LLGL2: variants seen among roughly 807,000 people sequenced by gnomAD.
LLGL2 encodes LLGL2, scribble cell polarity complex component.
In LLGL2, 81 loss-of-function variants were observed where a neutral mutation model predicts 123.2. That is an observed-to-expected ratio of 0.66 (90% CI 0.55 to 0.79). The LOEUF (loss-of-function observed/expected upper bound fraction) is 0.79, where lower values mean the gene tolerates loss of function less well. Ranked by LOEUF, LLGL2 falls within the 30% of genes least tolerant of loss-of-function variation. The probability of loss-of-function intolerance (pLI) is 0.00; values close to 1 mark genes in which losing one functional copy is unlikely to be tolerated. For synonymous variants in LLGL2, 577 were observed against 594.1 expected (o/e 0.97, Z 0.42); for missense variants, 1,273 against 1,414.6 (o/e 0.90, Z 1.61).
At chr17:75,570,300 G>A (rs186805295) in intron 15 of LLGL2, 45 bp downstream of exon 15, 11 of 1,601,578 alleles carry the variant, frequency 6.9e-6, no homozygotes, top group East Asian at 4.5e-5. Context: ...TGGGGCCCGC[G>A]AGGACTCCCA....
At chr17:75,562,001 T>G (rs564582424) in intron 6 of LLGL2, among the ~76,000 whole-genome samples, 18 of 152,250 alleles carry the variant, frequency 1.2e-4, no homozygotes, top group African/African-American at 4.3e-4. Flanking sequence ...GTCAGTGAGG[T>G]CAGTGCTAGC....
intron 2 of LLGL2, among the ~76,000 whole-genome samples, chr17:75,545,384 T>C (rs535900388): frequency 5.3e-5 from 8 of 152,322 alleles, no homozygotes; most frequent in African/African-American, 1.9e-4. Context: ...TGATTAGGCC[T>C]CTGCCCTCCA....
intron 8 of LLGL2, 118 bp from the exon 9 acceptor site, chr17:75,563,634 T>C: frequency 1.4e-6 from 2 of 1,481,266 alleles, no homozygotes; most frequent in Non-Finnish European, 1.9e-6. Context: ...CGGAGCAAGA[T>C]TCCCAAGCAC....
In LLGL2 at chr17:75,544,070, TCCCAA is replaced by T. The variant is rs987570525; in HGVS notation, c.75+570_75+574del. On this transcript the variant is annotated intron_variant, in intron 2 of 25. Transcript: ENST00000392550. The surrounding 1 kb of genome is among the most constrained non-coding windows in gnomAD (Gnocchi z 4.2). ...CGGAGTTGGCCTCGGACTACCCCAA[TCCCAA>T]ACCTGTATCCGGGGTACCAGAAGGC... Among the ~76,000 whole-genome samples, 4 of 152,022 alleles carry T rather than the reference TCCCAA, an allele frequency of 2.6e-5. No individual in the cohort carries two copies. Among genetic ancestry groups the T allele is most frequent in the African/African-American group, 9.7e-5 (4 of 41,402 alleles).
At chr17:75,531,868 G>A (rs2053800253) in intron 1 of LLGL2, among the ~76,000 whole-genome samples, 1 of 152,064 alleles carries the variant, frequency 6.6e-6, no homozygotes, top group African/African-American at 2.4e-5. Flanking sequence ...GCGAATTCTT[G>A]AGCTAGGAGA....
intron 2 of LLGL2, among the ~76,000 whole-genome samples, chr17:75,550,031 G>A (rs1184578150): frequency 2.0e-5 from 3 of 152,268 alleles, no homozygotes; most frequent in Admixed American, 2.0e-4. Context: ...CCAGGTATCA[G>A]ATGTGGGCGG....
chr17:75,550,071 A>G (rs1300849235), intron 2 of LLGL2, among the ~76,000 whole-genome samples: 3 of 152,076 alleles, frequency 2.0e-5, no homozygotes, highest in Non-Finnish European at 4.4e-5. Context: ...CGCGCTTCGG[A>G]GGCCCCAGTG....
At chr17:75,571,646 C>A (rs762899289) in intron 17 of LLGL2, 21 bp from the exon 18 acceptor site, 1 of 1,584,638 alleles carries the variant, frequency 6.3e-7, no homozygotes, top group Admixed American at 1.7e-5. Context: ...GGTCAGACAC[C>A]CAAACATGGC....
At chr17:75,527,882 G>A (rs2053629170) in intron 1 of LLGL2, among the ~76,000 whole-genome samples, 2 of 151,274 alleles carry the variant, frequency 1.3e-5, no homozygotes, top group South Asian at 4.2e-4. Flanking sequence ...CGACCTCCCA[G>A]GCTCAAGTGA....
intron 2 of LLGL2, among the ~76,000 whole-genome samples, chr17:75,555,508 G>A (rs1027315647): frequency 1.3e-5 from 2 of 152,164 alleles, no homozygotes; most frequent in African/African-American, 4.8e-5. Context: ...AAGATGGTTG[G>A]AATTTGGTGA....
At chr17:75,560,815 AAAAAAAAAAAAAAAAAACAAAG>A (rs1223037278) in intron 6 of LLGL2, among the ~76,000 whole-genome samples, 2 of 104,614 alleles carry the variant, frequency 1.9e-5, no homozygotes, top group African/African-American at 6.3e-5. Flanking sequence ...AAAAAAAAAA[AAAAAAAAAAAAAAAAAACAAAG>A]AAAAAACATT....
At chr17:75,532,962 A>G (rs1408403180) in intron 1 of LLGL2, among the ~76,000 whole-genome samples, 1 of 152,048 alleles carries the variant, frequency 6.6e-6, no homozygotes, top group Non-Finnish European at 1.5e-5. Context: ...TTTCTAGTTA[A>G]TCCCTAGTCA....
intron 2 of LLGL2, among the ~76,000 whole-genome samples, chr17:75,550,927 T>C (rs1392663762): frequency 1.3e-5 from 2 of 152,138 alleles, no homozygotes; most frequent in Non-Finnish European, 2.9e-5. Context: ...TCCCTGTCCC[T>C]TCTGTTAGCT....
intron 1 of LLGL2, among the ~76,000 whole-genome samples, chr17:75,531,655 A>G (rs1249620298): frequency 6.6e-6 from 1 of 152,224 alleles, no homozygotes; most frequent in East Asian, 1.9e-4. Context: ...ACAGGGCAGG[A>G]GACGGGCGTC....
chr17:75,562,833 G>C (rs2147447083), intron 6 of LLGL2, 183 bp from the exon 7 acceptor site: 1 of 721,248 alleles, frequency 1.4e-6, no homozygotes, highest in East Asian at 2.7e-5. Context: ...GGCTCCCAAA[G>C]TGCTGGGATT....
chr17:75,555,846 G>A (rs759597688), intron 2 of LLGL2, among the ~76,000 whole-genome samples, 200 bp from the exon 3 acceptor site: 3 of 152,098 alleles, frequency 2.0e-5, no homozygotes, highest in Non-Finnish European at 4.4e-5. Flanking sequence ...TGGCCATGAG[G>A]CCAAGGGCAG....
intron 10 of LLGL2, chr17:75,568,123 A>C (rs2055526267): frequency 5.1e-6 from 6 of 1,188,012 alleles, no homozygotes; most frequent in Non-Finnish European, 6.3e-6. Context: ...GAGGCTTGAC[A>C]GGTGCATCTG....
intron 2 of LLGL2, among the ~76,000 whole-genome samples, 153 bp from the exon 3 acceptor site, chr17:75,555,893 T>C (rs919072687): frequency 6.6e-6 from 1 of 152,030 alleles, no homozygotes; most frequent in Non-Finnish European, 1.5e-5. Flanking sequence ...CTGGTAAATA[T>C]GGGTTAGGCT....
chr17:75,569,207 C>G lies in LLGL2; in HGVS notation c.1477-14C>G, dbSNP rs142158542. 16,321 of 1,612,870 alleles carry G rather than the reference C, an allele frequency of 0.01. 105 individuals are homozygous for G. The highest frequency in any genetic ancestry group is 0.018 in the Middle Eastern group (106 of 6,054). ...GTCCCCGTGGCTGCTCACAGGGCCCCTCCCCTTCTCCAGGTGGGCTCCTTT... is the reference window on the plus strand; with the variant it reads ...GTCCCCGTGGCTGCTCACAGGGCCCGTCCCCTTCTCCAGGTGGGCTCCTTT... On this transcript the variant is annotated splice_polypyrimidine_tract_variant and intron_variant, in intron 13 of 25. Coordinates refer to ENST00000392550, the MANE Select transcript of LLGL2 (RefSeq NM_001031803.2).
Sources: gnomAD v4.1 joint callset for allele counts (sites outside exome capture counted in the v4.1 genomes callset) on GRCh38, gnomAD v4.1.1 for gene constraint, Gnocchi (gnomAD v3.1) non-coding constraint, MANE v1.5 for transcripts, NCBI Gene and HGNC (gene_info 2026-07-23, HGNC 2026-07-21) for gene names.